Variants in B3GALT1 observed in about 807,000 individuals in gnomAD.
B3GALT1 encodes UDP-Gal:betaGlcNAc beta 1,3-galactosyltransferase, polypeptide 1.
Under a neutral mutation model 23.2 loss-of-function variants are expected in B3GALT1, and 10 were observed. That is an observed-to-expected ratio of 0.43 (90% confidence interval 0.27 to 0.73). B3GALT1 has a LOEUF of 0.73. Ranked by LOEUF, B3GALT1 falls within the 30% of genes least tolerant of loss-of-function variation. The pLI, the probability that B3GALT1 is intolerant of heterozygous loss-of-function variation, is 0.21. For missense variants in B3GALT1, 299 were observed against 405.4 expected (o/e 0.74, Z 2.25); for synonymous variants, 156 against 141.5 (o/e 1.10, Z -0.73).
chr2:167,405,591 TCTCA>T (rs1698262859), intron 1 of B3GALT1, among the ~76,000 whole-genome samples: 1 of 152,070 alleles, frequency 6.6e-6, no homozygotes. Context: ...ATAAAGAATA[TCTCA>T]CTGTCTTTGT....
chr2:167,864,224 G>GA (rs796186094), intron 4 of B3GALT1, among the ~76,000 whole-genome samples: 54 of 152,174 alleles, frequency 3.5e-4, no homozygotes, highest in African/African-American at 1.2e-3. Context: ...GAATGAACTA[G>GA]AAAAAATCCA....
intron 3 of B3GALT1, chr2:167,713,922 C>T: frequency 6.3e-7 from 1 of 1,577,026 alleles, no homozygotes; most frequent in Non-Finnish European, 8.7e-7. Flanking sequence ...AAAGGAGGTC[C>T]TCTTCTCGTG....
At chr2:167,344,028 T>A (rs1297305691) in intron 1 of B3GALT1, among the ~76,000 whole-genome samples, 4 of 152,162 alleles carry the variant, frequency 2.6e-5, no homozygotes, top group African/African-American at 4.8e-5. Context: ...GGCTATGGGG[T>A]GACTATTGTC....
intron 4 of B3GALT1, among the ~76,000 whole-genome samples, chr2:167,822,996 C>G (rs1403449188): frequency 6.6e-6 from 1 of 152,174 alleles, no homozygotes; most frequent in Non-Finnish European, 1.5e-5. Context: ...TAATAAATTT[C>G]TAGCAATGCA....
chr2:167,867,045 G>C lies in B3GALT1; in HGVS notation c.-229-1766G>C, dbSNP rs185420275. ...GGATTCAGGCCATTCTCCTGCCTCA[G>C]CCTCCCGAGTAGCTGGGACTACAGG... On this transcript the variant is annotated intron_variant, in intron 4 of 4. Coordinates refer to ENST00000392690, the MANE Select transcript of B3GALT1 (RefSeq NM_020981.4). Among the ~76,000 whole-genome samples, 1,385 of 151,826 alleles carry C rather than the reference G, an allele frequency of 9.1e-3. 23 individuals carry two copies. Among genetic ancestry groups the C allele is most frequent in the African/African-American group, 0.032 (1,337 of 41,398 alleles).
At chr2:167,708,395 TC>T (rs1333997586) in intron 3 of B3GALT1, among the ~76,000 whole-genome samples, 1 of 152,202 alleles carries the variant, frequency 6.6e-6, no homozygotes, top group Non-Finnish European at 1.5e-5. Flanking sequence ...GTGCGGTAGC[TC>T]ACGCCTGTAA....
chr2:167,472,546 T>G (rs573381137), intron 1 of B3GALT1, among the ~76,000 whole-genome samples: 1 of 152,128 alleles, frequency 6.6e-6, no homozygotes, highest in Non-Finnish European at 1.5e-5. Context: ...TACTTACCAT[T>G]AAATTTTAGC....
At chr2:167,576,520 G>GTTTTTTTTTTGT (rs1558912483) in intron 2 of B3GALT1, among the ~76,000 whole-genome samples, 14 of 122,420 alleles carry the variant, frequency 1.1e-4, no homozygotes, top group Non-Finnish European at 2.1e-4. Flanking sequence ...TTGTTTTTCT[G>GTTTTTTTTTTGT]TTTTTTTTTT....
At chr2:167,423,005 T>A (rs1698571220) in intron 1 of B3GALT1, among the ~76,000 whole-genome samples, 1 of 152,054 alleles carries the variant, frequency 6.6e-6, no homozygotes, top group African/African-American at 2.4e-5. Flanking sequence ...GCTGGGAGAT[T>A]CCCAGCAAAG....
intron 2 of B3GALT1, among the ~76,000 whole-genome samples, chr2:167,491,484 T>C (rs1699709312): frequency 1.9e-5 from 1 of 52,240 alleles, no homozygotes. Context: ...TTACTTTTGC[T>C]TTTTTTTTTT....
At chr2:167,695,887 A>C (rs1032615541) in intron 3 of B3GALT1, among the ~76,000 whole-genome samples, 1 of 152,166 alleles carries the variant, frequency 6.6e-6, no homozygotes, top group African/African-American at 2.4e-5. Flanking sequence ...TCATGTCTGC[A>C]TTCCAACCAG....
At chr2:167,495,841 G>A (rs908238836) in intron 2 of B3GALT1, among the ~76,000 whole-genome samples, 16 of 152,048 alleles carry the variant, frequency 1.1e-4, no homozygotes, top group Non-Finnish European at 2.2e-4. Context: ...ATGAAGGTGA[G>A]GAAAGGCACC....
chr2:167,402,340 A>G (rs1478839050), intron 1 of B3GALT1, among the ~76,000 whole-genome samples: 1 of 152,132 alleles, frequency 6.6e-6, no homozygotes, highest in Admixed American at 6.6e-5. Flanking sequence ...GTGGCAGAAC[A>G]CCATATTTTT....
intron 2 of B3GALT1, among the ~76,000 whole-genome samples, chr2:167,518,709 A>G (rs1013903759): frequency 6.6e-6 from 1 of 152,176 alleles, no homozygotes; most frequent in Non-Finnish European, 1.5e-5. Flanking sequence ...CTCATCCTCT[A>G]TTTGTTAGAA....
chr2:167,626,495 GAAA>G (rs1685349601), intron 2 of B3GALT1, among the ~76,000 whole-genome samples: 4 of 151,704 alleles, frequency 2.6e-5, no homozygotes, highest in Admixed American at 2.6e-4. Context: ...TTTTGAGGCT[GAAA>G]ATGTTGCCAA....
intron 3 of B3GALT1, among the ~76,000 whole-genome samples, chr2:167,750,137 C>G (rs544494943): frequency 6.6e-6 from 1 of 152,276 alleles, no homozygotes; most frequent in Admixed American, 6.5e-5. Context: ...ATTTTGCTAT[C>G]AGGTTCAATT....
At chr2:167,561,537 A>T (rs1171022069) in intron 2 of B3GALT1, among the ~76,000 whole-genome samples, 1 of 152,130 alleles carries the variant, frequency 6.6e-6, no homozygotes, top group Admixed American at 6.5e-5. Context: ...TGAAAGGATC[A>T]ACAAAATTGA....
chr2:167,741,873 G>A (rs768080833), intron 3 of B3GALT1, among the ~76,000 whole-genome samples: 2 of 152,124 alleles, frequency 1.3e-5, no homozygotes, highest in African/African-American at 2.4e-5. Flanking sequence ...GCTATGTGAA[G>A]GCAACTTCAT....
At chr2:167,682,453 G>C (rs1686549092) in intron 3 of B3GALT1, among the ~76,000 whole-genome samples, 1 of 152,264 alleles carries the variant, frequency 6.6e-6, no homozygotes, top group Non-Finnish European at 1.5e-5. Flanking sequence ...CTTCTGCACA[G>C]CTAACAGAGC....
Sources: allele counts gnomAD v4.1 joint callset (sites outside exome capture counted in the v4.1 genomes callset), GRCh38; gene constraint gnomAD v4.1.1; transcripts MANE v1.5; gene names NCBI Gene and HGNC (gene_info 2026-07-23, HGNC 2026-07-21).